COX7B2: variants seen among roughly 807,000 people sequenced by gnomAD.
COX7B2 encodes cytochrome c oxidase subunit 7B2, also known as cytochrome c oxidase subunit 7B2, mitochondrial.
For synonymous variants in COX7B2, 37 were observed against 32.1 expected, an observed-to-expected ratio of 1.15 and a Z score of -0.51; for missense variants, 109 against 95.9, an observed-to-expected ratio of 1.14 and a Z score of -0.57.
intron 1 of COX7B2, among the ~76,000 whole-genome samples, chr4:46,884,870 T>C (rs1718978854): frequency 6.6e-6 from 1 of 151,982 alleles, no homozygotes; most frequent in Admixed American, 6.6e-5. Context: ...AAACAATCTA[T>C]TTGATCTGTT....
chr4:46,904,901 C>A (rs1040787429), intron 1 of COX7B2, among the ~76,000 whole-genome samples: 6 of 152,150 alleles, frequency 3.9e-5, no homozygotes, highest in African/African-American at 1.4e-4. Context: ...TATGTGTCTG[C>A]ATGTTAAAAG....
At chr4:46,809,696 G>A (rs1431635870) in intron 2 of COX7B2, among the ~76,000 whole-genome samples, 1 of 151,790 alleles carries the variant, frequency 6.6e-6, no homozygotes, top group Non-Finnish European at 1.5e-5. Context: ...ATTGTTTCAT[G>A]TATTCTGGAA....
At chr4:46,787,003 G>C (rs1417356196) in intron 2 of COX7B2, among the ~76,000 whole-genome samples, 1 of 152,196 alleles carries the variant, frequency 6.6e-6, no homozygotes, top group East Asian at 1.9e-4. Flanking sequence ...AACCATGACA[G>C]AGAGAACAGT....
chr4:46,773,711 AT>A (rs1717004312), intron 2 of COX7B2, among the ~76,000 whole-genome samples: 1 of 152,100 alleles, frequency 6.6e-6, no homozygotes, highest in Admixed American at 6.6e-5. Flanking sequence ...TCTGGATCTA[AT>A]TTTTTAGAAA....
intron 2 of COX7B2, among the ~76,000 whole-genome samples, chr4:46,806,604 G>A (rs903308054): frequency 5.9e-5 from 9 of 152,020 alleles, no homozygotes; most frequent in African/African-American, 1.7e-4. Context: ...ACTGCCTATA[G>A]TCATTATGCT....
At chr4:46,908,263 A>G (rs1720528815) in intron 1 of COX7B2, among the ~76,000 whole-genome samples, 1 of 152,036 alleles carries the variant, frequency 6.6e-6, no homozygotes, top group Non-Finnish European at 1.5e-5. Context: ...TCGTACACAA[A>G]AAGACTATAA....
At chr4:46,743,631 TG>T (rs1440397971) in intron 2 of COX7B2, among the ~76,000 whole-genome samples, 2 of 152,330 alleles carry the variant, frequency 1.3e-5, no homozygotes, top group East Asian at 1.9e-4. Flanking sequence ...ATCTAAGTTT[TG>T]AGAAGTATGC....
chr4:46,777,652 A>G (rs1012531242), intron 2 of COX7B2, among the ~76,000 whole-genome samples: 2 of 152,158 alleles, frequency 1.3e-5, no homozygotes, highest in East Asian at 1.9e-4. Flanking sequence ...GTATGTAGTT[A>G]TGAAGGCTGG....
intron 2 of COX7B2, among the ~76,000 whole-genome samples, chr4:46,807,561 T>G (rs929134924): frequency 2.0e-5 from 3 of 151,852 alleles, no homozygotes; most frequent in African/African-American, 4.8e-5. Context: ...GAGCTTTTGG[T>G]GCTGTCCAAA....
At chr4:46,864,036 T>C (rs982084570) in intron 1 of COX7B2, among the ~76,000 whole-genome samples, 3 of 152,136 alleles carry the variant, frequency 2.0e-5, no homozygotes, top group Admixed American at 2.0e-4. Flanking sequence ...TAGGTCACGT[T>C]CAAAAGGCCC....
At chr4:46,814,661 TG>T (rs1161332525) in intron 2 of COX7B2, among the ~76,000 whole-genome samples, 14 of 152,200 alleles carry the variant, frequency 9.2e-5, no homozygotes, top group African/African-American at 3.4e-4. Context: ...ATAAGCTCCT[TG>T]GCAATGAATG....
At position 46,907,387 on chromosome 4, in the gene COX7B2, T is replaced by C. The variant is rs57675609; in HGVS notation, c.-105+1773A>G. ...ATTGCTCTCTATTAACAATGAAGCA[T>C]AAATTTTAAACTACGCTAGCACCTA... On this transcript the variant is annotated intron_variant, in intron 1 of 2. Coordinates refer to ENST00000355591, the MANE Select transcript of COX7B2 (RefSeq NM_130902.3). 1.6e-3 allele frequency among the ~76,000 whole-genome samples: 248 copies of C among 152,312 alleles called. 3 individuals carry two copies. Among genetic ancestry groups the C allele is most frequent in the African/African-American group, 5.7e-3 (238 of 41,582 alleles).
chr4:46,885,099 T>G (rs180946044), intron 1 of COX7B2, among the ~76,000 whole-genome samples: 9 of 152,138 alleles, frequency 5.9e-5, no homozygotes, highest in Non-Finnish European at 1.3e-4. Flanking sequence ...TTAGGATATA[T>G]TGCCACTAAT....
chr4:46,849,082 A>C (rs1361781050), intron 1 of COX7B2, among the ~76,000 whole-genome samples: 1 of 152,034 alleles, frequency 6.6e-6, no homozygotes, highest in African/African-American at 2.4e-5. Flanking sequence ...AAATATTTTA[A>C]ATCCATAGTT....
chr4:46,738,973 T>C (rs1714540244), intron 2 of COX7B2, among the ~76,000 whole-genome samples: 1 of 152,036 alleles, frequency 6.6e-6, no homozygotes, highest in East Asian at 1.9e-4. Context: ...CTGCAAAAAA[T>C]AACTAATACT....
chr4:46,847,267 T>C (rs1258835365), intron 1 of COX7B2, among the ~76,000 whole-genome samples: 1 of 151,980 alleles, frequency 6.6e-6, no homozygotes, highest in African/African-American at 2.4e-5. Context: ...GTGAGATGTA[T>C]GTGAAGCAAG....
chr4:46,752,454 T>C (rs951364100), intron 2 of COX7B2, among the ~76,000 whole-genome samples: 8 of 152,246 alleles, frequency 5.3e-5, no homozygotes, highest in South Asian at 2.1e-4. Flanking sequence ...TCCAACACTA[T>C]GTTGAATACG....
intron 2 of COX7B2, among the ~76,000 whole-genome samples, chr4:46,751,738 C>A (rs929139641): frequency 2.0e-5 from 3 of 151,818 alleles, no homozygotes; most frequent in African/African-American, 7.3e-5. Flanking sequence ...TACGGTGAGA[C>A]CAGGCAAAGA....
chr4:46,889,586 G>C (rs923990062), intron 1 of COX7B2, among the ~76,000 whole-genome samples: 23 of 152,182 alleles, frequency 1.5e-4, no homozygotes, highest in Non-Finnish European at 2.6e-4. Flanking sequence ...AGGTGAGAAA[G>C]GTATGAAAAG....
Sources: allele counts gnomAD v4.1 joint callset (sites outside exome capture counted in the v4.1 genomes callset), GRCh38; gene constraint gnomAD v4.1.1; transcripts MANE v1.5; gene names NCBI Gene and HGNC (gene_info 2026-07-23, HGNC 2026-07-21).